SLC14A2: variants seen among roughly 807,000 people sequenced by gnomAD.
SLC14A2 encodes the protein solute carrier family 14 member 2.
Under a neutral mutation model 104.6 loss-of-function variants are expected in SLC14A2, and 91 were observed. The observed-to-expected ratio is 0.87, with a 90% confidence interval of 0.73 to 1.04. The LOEUF (loss-of-function observed/expected upper bound fraction) is 1.04. Among genes scored for constraint, SLC14A2 ranks in the 50% least tolerant of loss-of-function variants. The pLI, the probability that SLC14A2 is intolerant of heterozygous loss-of-function variation, is 0.00. For missense variants in SLC14A2, 1,189 were observed against 1,156.0 expected, an observed-to-expected ratio of 1.03 and a Z score of -0.41; for synonymous variants, 476 against 466.4, an observed-to-expected ratio of 1.02 and a Z score of -0.27.
At chr18:45,554,335 C>T (rs1042242187) in intron 2 of SLC14A2, among the ~76,000 whole-genome samples, 13 of 152,178 alleles carry the variant, frequency 8.5e-5, no homozygotes, top group Non-Finnish European at 1.9e-4. Flanking sequence ...TTACAAAGAT[C>T]CTGTTTCTCT....
intron 1 of SLC14A2, among the ~76,000 whole-genome samples, chr18:45,227,675 G>A (rs765089831): frequency 3.9e-5 from 6 of 152,186 alleles, no homozygotes; most frequent in Non-Finnish European, 7.3e-5. Context: ...TGTGGCAGAT[G>A]ACGAAGCACT....
At chr18:45,631,872 G>A (rs2045351046) in intron 4 of SLC14A2, among the ~76,000 whole-genome samples, 1 of 152,140 alleles carries the variant, frequency 6.6e-6, no homozygotes. Flanking sequence ...TCCCACCTTG[G>A]ACTCCCAAAG....
intron 4 of SLC14A2, among the ~76,000 whole-genome samples, chr18:45,632,112 C>T (rs2045353225): frequency 1.4e-5 from 2 of 142,734 alleles, no homozygotes; most frequent in South Asian, 2.4e-4. Context: ...TTTTAATTGT[C>T]GATCAGCAAG....
chr18:45,281,795 C>T (rs1440131511), intron 1 of SLC14A2, among the ~76,000 whole-genome samples: 1 of 152,164 alleles, frequency 6.6e-6, no homozygotes, highest in Non-Finnish European at 1.5e-5. Flanking sequence ...TAATGTGAAA[C>T]ACTTCTAGGT....
At chr18:45,246,470 A>G (rs1305504390) in intron 1 of SLC14A2, among the ~76,000 whole-genome samples, 2 of 152,184 alleles carry the variant, frequency 1.3e-5, no homozygotes, top group African/African-American at 4.8e-5. Context: ...TATTGTTAGT[A>G]TTAGTATCTT....
At chr18:45,465,198 C>T (rs1314363978) in intron 1 of SLC14A2, among the ~76,000 whole-genome samples, 1 of 152,188 alleles carries the variant, frequency 6.6e-6, no homozygotes, top group Non-Finnish European at 1.5e-5. Flanking sequence ...GAAGAAAACA[C>T]TATCTCTGTC....
intron 2 of SLC14A2, among the ~76,000 whole-genome samples, chr18:45,601,460 G>A (rs962931884): frequency 6.6e-5 from 10 of 152,152 alleles, no homozygotes; most frequent in Admixed American, 2.0e-4. Context: ...CTCTACCATC[G>A]AATTGTTCTA....
In SLC14A2 at chr18:45,643,072, G is replaced by A. The variant is rs111884992; in HGVS notation, c.1127-60G>A. The A allele has an allele frequency of 3.4e-3, 5,176 of 1,513,480 alleles. 14 individuals carry two copies. The highest frequency in any genetic ancestry group is 4.0e-3 in the Non-Finnish European group (4,358 of 1,088,770). The allele number at this position is 1,513,480 out of a possible 1,614,324, so 93.8% of individuals were successfully genotyped here. ...GGTCTGGGCTCCCTGGTCTGCAATG[G>A]CAGTGGCTTAGGGGGAAGGCCCTGG... On this transcript the variant is annotated intron_variant, in intron 8 of 19. Transcript: ENST00000255226.
intron 1 of SLC14A2, among the ~76,000 whole-genome samples, chr18:45,373,417 C>T (rs1206753854): frequency 2.0e-5 from 3 of 152,170 alleles, no homozygotes; most frequent in Non-Finnish European, 2.9e-5. Flanking sequence ...GCAGTTATTG[C>T]CCCAGATACC....
At chr18:45,327,401 A>T (rs773564829) in intron 1 of SLC14A2, among the ~76,000 whole-genome samples, 192 of 152,310 alleles carry the variant, frequency 1.3e-3, no homozygotes, top group Non-Finnish European at 2.4e-3. Context: ...GCTAAATGAG[A>T]CAGCTCAGTG....
chr18:45,664,105 G>C (rs1454218516), intron 11 of SLC14A2, among the ~76,000 whole-genome samples, 198 bp downstream of exon 11: 3 of 152,202 alleles, frequency 2.0e-5, no homozygotes, highest in Non-Finnish European at 4.4e-5. Context: ...AGAGGCTGAA[G>C]CTGGGACAGG....
the SLC14A2 span, among the ~76,000 whole-genome samples, chr18:45,194,969 A>G: frequency 6.6e-6 from 1 of 151,804 alleles, no homozygotes; most frequent in African/African-American, 2.4e-5. Flanking sequence ...TTTGAATAAT[A>G]CTCTTGGAGA....
chr18:45,525,090 G>T (rs892185080), intron 2 of SLC14A2, among the ~76,000 whole-genome samples: 1 of 151,538 alleles, frequency 6.6e-6, no homozygotes, highest in African/African-American at 2.4e-5. Flanking sequence ...GATACCTCTT[G>T]GGGGTAATTC....
At chr18:45,233,152 C>T (rs1299959073) in intron 1 of SLC14A2, among the ~76,000 whole-genome samples, 1 of 152,110 alleles carries the variant, frequency 6.6e-6, no homozygotes, top group African/African-American at 2.4e-5. Context: ...ATCCACATAT[C>T]GGAGTGGTAG....
the SLC14A2 span, among the ~76,000 whole-genome samples, chr18:45,190,795 T>C: frequency 6.6e-6 from 1 of 152,158 alleles, no homozygotes; most frequent in East Asian, 1.9e-4. Context: ...GGTATAATTA[T>C]TATCCGCATA....
intron 1 of SLC14A2, among the ~76,000 whole-genome samples, chr18:45,217,528 G>A (rs2084021674): frequency 6.6e-6 from 1 of 152,014 alleles, no homozygotes; most frequent in African/African-American, 2.4e-5. Flanking sequence ...GCATAGGTGA[G>A]AAGAAGAGGG....
At chr18:45,305,634 G>A (rs1357827343) in intron 1 of SLC14A2, among the ~76,000 whole-genome samples, 4 of 152,116 alleles carry the variant, frequency 2.6e-5, no homozygotes, top group Non-Finnish European at 4.4e-5. Flanking sequence ...ATTAGACCTG[G>A]CATCTCTGCC....
At chr18:45,554,699 T>C (rs2044108069) in intron 2 of SLC14A2, among the ~76,000 whole-genome samples, 1 of 151,736 alleles carries the variant, frequency 6.6e-6, no homozygotes, top group African/African-American at 2.4e-5. Flanking sequence ...CTGCCCAACA[T>C]GGTGGGGATA....
At chr18:45,327,560 G>C (rs968067553) in intron 1 of SLC14A2, among the ~76,000 whole-genome samples, 1 of 152,026 alleles carries the variant, frequency 6.6e-6, no homozygotes, top group African/African-American at 2.4e-5. Context: ...TACAGTCCCT[G>C]GTACCCTCTA....
Sources: allele counts gnomAD v4.1 joint callset (sites outside exome capture counted in the v4.1 genomes callset), GRCh38; gene constraint gnomAD v4.1.1; transcripts MANE v1.5; gene names NCBI Gene and HGNC (gene_info 2026-07-23, HGNC 2026-07-21).